NCOA6: variants seen among roughly 807,000 people sequenced by gnomAD.
NCOA6 encodes NRC RAP250.
NCOA6 carries 49 observed loss-of-function variants against 171.4 expected under a neutral mutation model. The ratio of observed to expected loss-of-function variants is 0.29; its 90% CI spans 0.23 to 0.36. The LOEUF (loss-of-function observed/expected upper bound fraction) is 0.36, where lower values mean the gene tolerates loss of function less well. Ranked by LOEUF, NCOA6 falls within the 10% of genes least tolerant of loss-of-function variation. The pLI, the probability that NCOA6 is intolerant of heterozygous loss-of-function variation, is 1.00. For missense variants in NCOA6, 2,248 were observed against 2,554.5 expected, an observed-to-expected ratio of 0.88 and a Z score of 2.59; for synonymous variants, 910 against 927.5, an observed-to-expected ratio of 0.98 and a Z score of 0.34.
intron 14 of NCOA6, among the ~76,000 whole-genome samples, chr20:34,718,299 A>G (rs1376332211): frequency 6.6e-6 from 1 of 152,176 alleles, no homozygotes; most frequent in Non-Finnish European, 1.5e-5. Flanking sequence ...CAACATGTCT[A>G]AAACCAAACT....
chr20:34,780,951 G>C (rs1224543772), intron 3 of NCOA6, among the ~76,000 whole-genome samples: 2 of 152,140 alleles, frequency 1.3e-5, no homozygotes. Flanking sequence ...ACTGTGCCTG[G>C]CCTAGGTTTG....
At chr20:34,805,674 T>A (rs2078425865) in intron 1 of NCOA6, among the ~76,000 whole-genome samples, 1 of 151,708 alleles carries the variant, frequency 6.6e-6, no homozygotes, top group Non-Finnish European at 1.5e-5. Flanking sequence ...ATATGGTAGT[T>A]CTCTTCTTAG....
At chr20:34,795,203 C>T (rs1238409071) in intron 1 of NCOA6, among the ~76,000 whole-genome samples, 5 of 152,102 alleles carry the variant, frequency 3.3e-5, no homozygotes, top group East Asian at 3.9e-4. Flanking sequence ...TTTGCATGAT[C>T]GAAAATTGTT....
At chr20:34,788,534 G>C (rs1417883756) in intron 2 of NCOA6, among the ~76,000 whole-genome samples, 2 of 152,134 alleles carry the variant, frequency 1.3e-5, no homozygotes, top group African/African-American at 2.4e-5. Context: ...GTGTCTTATG[G>C]AAAGCTGCTC....
At chr20:34,774,271 A>G (rs572336974) in intron 4 of NCOA6, among the ~76,000 whole-genome samples, 146 of 152,340 alleles carry the variant, frequency 9.6e-4, no homozygotes, top group Non-Finnish European at 1.9e-3. Context: ...CAGCCCACAT[A>G]TTGTTATTTT....
Position 34,749,553 on chromosome 20 carries a change from G to A in NCOA6, c.2642C>T (p.Thr881Met), listed in dbSNP as rs773056668. The change falls in exon 9 of 15, where the codon ACG becomes ATG. Residue 881 changes from threonine (T) to methionine (M), a missense_variant. Coordinates refer to ENST00000359003, the MANE Select transcript of NCOA6 (RefSeq NM_014071.5). ...NPGFPVNKDV[T>M]LTSPLLVNLL... Reference sequence around the variant, plus strand: ...GTTGACCAACAATGGGCTCGTTAGCGTGACATCCTTATTGACTGGGAAGCC... The same window carrying A: ...GTTGACCAACAATGGGCTCGTTAGCATGACATCCTTATTGACTGGGAAGCC... 11 of 1,614,036 alleles carry A rather than the reference G, an allele frequency of 6.8e-6. No individual in the cohort carries two copies. The highest frequency in any genetic ancestry group is 2.2e-5 in the East Asian group (1 of 44,890).
chr20:34,794,629 T>G (rs1401573670), intron 1 of NCOA6, among the ~76,000 whole-genome samples: 3 of 152,130 alleles, frequency 2.0e-5, no homozygotes, highest in East Asian at 3.8e-4. Context: ...CTACTTTTTT[T>G]GGGGAAAGGG....
chr20:34,722,251 C>T (rs145506666), intron 14 of NCOA6, among the ~76,000 whole-genome samples: 4,387 of 151,064 alleles, frequency 0.029, 225 homozygotes, highest in African/African-American at 0.1. Context: ...TGTGGTGGTA[C>T]GCGCCTGTAA....
intron 14 of NCOA6, among the ~76,000 whole-genome samples, chr20:34,717,737 C>T (rs1219827368): frequency 3.3e-5 from 5 of 152,190 alleles, no homozygotes; most frequent in African/African-American, 1.2e-4. Context: ...TCCCTAAAAT[C>T]AACTCTTCAG....
At position 34,741,642 on chromosome 20, in the gene NCOA6, A is replaced by C. The variant is rs767144610; in HGVS notation, c.4614T>G (p.Ser1538=). The C allele has an allele frequency of 1.2e-6, 2 of 1,614,140 alleles. No individual in the cohort carries two copies. The highest frequency in any genetic ancestry group is 1.3e-5 in the African/African-American group (1 of 74,948). Residue 1538 remains serine, a synonymous_variant, in exon 11 of 15, where the codon TCT becomes TCG. Transcript: ENST00000359003. The part of the protein sequence containing the change: ...ASVIPTLQDL[S]SSKEPSNSLN... ...GGGAATTAGAAGGTTCTTTAGAAGAAGACAGATCCTGCAGTGTGGGAATGA... is the reference window on the plus strand; with the variant it reads ...GGGAATTAGAAGGTTCTTTAGAAGACGACAGATCCTGCAGTGTGGGAATGA...
intron 6 of NCOA6, among the ~76,000 whole-genome samples, chr20:34,758,309 T>C (rs1435244096): frequency 3.3e-5 from 5 of 152,234 alleles, no homozygotes; most frequent in Non-Finnish European, 7.3e-5. Flanking sequence ...TAGTGGACAT[T>C]AAGAGCGAAG....
At chr20:34,784,734 T>C (rs1286882389) in intron 2 of NCOA6, among the ~76,000 whole-genome samples, 12 of 151,960 alleles carry the variant, frequency 7.9e-5, no homozygotes, top group East Asian at 1.9e-4. Context: ...TGAGCTACGA[T>C]AGTGCCACTG....
At chr20:34,775,336 G>A (rs987234895) in intron 4 of NCOA6, among the ~76,000 whole-genome samples, 4 of 151,904 alleles carry the variant, frequency 2.6e-5, no homozygotes, top group African/African-American at 9.7e-5. Flanking sequence ...GTGTCTGTGC[G>A]TGCGTGCACG....
At chr20:34,804,506 CA>C (rs11482821) in intron 1 of NCOA6, among the ~76,000 whole-genome samples, 452 of 113,780 alleles carry the variant, frequency 4.0e-3, no homozygotes, top group Non-Finnish European at 5.6e-3. Flanking sequence ...GACCCTGTCT[CA>C]AAAAAAAAAA....
In NCOA6 at chr20:34,742,054, G is replaced by C; in HGVS notation, c.4202C>G (p.Ser1401Cys). The change falls in exon 11 of 15, where the codon TCT (serine) becomes TGT (cysteine). Residue 1401 changes from serine to cysteine, a missense_variant. Coordinates refer to ENST00000359003, the MANE Select transcript of NCOA6 (RefSeq NM_014071.5). ...CCCAACTGCAGCCACAGACACAGTA[G>C]AATTCTGAGGATTCAGCCCACTGTT... Reference protein sequence around the residue: ...PNNSGLNPQNSTVSVAAVGGV... With the variant: ...PNNSGLNPQNCTVSVAAVGGV... 6.2e-7 allele frequency: 1 copy of C among 1,614,162 alleles called. No homozygotes were observed. The highest frequency in any genetic ancestry group is 8.5e-7 in the Non-Finnish European group (1 of 1,180,046).
At position 34,750,088 on chromosome 20, in the gene NCOA6, CCT is replaced by C; in HGVS notation, c.2105_2106del (p.Gln702ArgfsTer23). ...MAPHNQMMGP[Q>X]GQVLLQQNPM... ...GGGTTCTGTTGGAGCAAAACCTGCC[CCT>C]GAGGCCCCATCATCTGGTTATGTGG... On this transcript the variant is annotated frameshift_variant, in exon 9 of 15. Coordinates refer to ENST00000359003, the MANE Select transcript of NCOA6 (RefSeq NM_014071.5). LOFTEE classifies it high-confidence loss of function. 1 of 1,614,170 alleles carries C rather than the reference CCT, an allele frequency of 6.2e-7. No homozygotes were observed. The highest frequency in any genetic ancestry group is 8.5e-7 in the Non-Finnish European group (1 of 1,180,032).
Position 34,741,085 on chromosome 20 carries a change from G to A in NCOA6, c.5171C>T (p.Pro1724Leu). 1 of 1,614,236 alleles carries A rather than the reference G, an allele frequency of 6.2e-7. No homozygotes were observed. Among genetic ancestry groups the A allele is most frequent in the Non-Finnish European group, 8.5e-7 (1 of 1,180,046 alleles). The change falls in exon 11 of 15, where the codon CCA becomes CTA. Residue 1724 changes from proline (P) to leucine (L), a missense_variant. By Grantham distance (98) the Pro-to-Leu change is moderately conservative. Around this residue, in one of 7 missense-constraint regions of NCOA6, gnomAD observed 884 missense variants for 941.9 expected, o/e 0.94. Transcript: ENST00000359003. The part of the protein sequence containing the change: ...PPNALSSSPA[P>L]NIQTGRPLVL... ...CAAAGGTCGACCTGTCTGGATGTTT[G>A]GAGCAGGACTACTGGAGAGGGCATT...
At chr20:34,755,430 C>T (rs2145790925) in intron 7 of NCOA6, among the ~76,000 whole-genome samples, 1 of 152,282 alleles carries the variant, frequency 6.6e-6, no homozygotes, top group East Asian at 1.9e-4. Context: ...AGAAACAGTT[C>T]ATGGGAGCTT....
chr20:34,720,505 A>G (rs1443922080), intron 14 of NCOA6, among the ~76,000 whole-genome samples: 1 of 152,246 alleles, frequency 6.6e-6, no homozygotes, highest in African/African-American at 2.4e-5. Context: ...CAGCAGGAGC[A>G]TGATTAATGT....
Sources: allele counts gnomAD v4.1 joint callset (sites outside exome capture counted in the v4.1 genomes callset), GRCh38; gene constraint gnomAD v4.1.1; regional missense constraint gnomAD v4.1.1; transcripts MANE v1.5; gene names NCBI Gene and HGNC (gene_info 2026-07-23, HGNC 2026-07-21).